The following RYR3 variants were observed in gnomAD, a reference collection of about 807,000 sequenced individuals.
RYR3 encodes ryanodine receptor 3, also known as brain ryanodine receptor-calcium release channel.
In RYR3, 207 loss-of-function variants were observed where a neutral mutation model predicts 584.3. That is an observed-to-expected ratio of 0.35 (90% CI 0.32 to 0.40). The LOEUF (loss-of-function observed/expected upper bound fraction) is 0.40, where lower values mean the gene tolerates loss of function less well. Ranked by LOEUF, RYR3 falls within the 10% of genes least tolerant of loss-of-function variation. RYR3 has a pLI of 1.00. For synonymous variants in RYR3, 2,416 were observed against 2,248.5 expected, an observed-to-expected ratio of 1.07 and a Z score of -2.11; for missense variants, 5,616 against 6,089.2, an observed-to-expected ratio of 0.92 and a Z score of 2.59.
intron 47 of RYR3, among the ~76,000 whole-genome samples, chr15:33,729,529 C>T (rs2068766849): frequency 6.6e-6 from 1 of 152,058 alleles, no homozygotes; most frequent in African/African-American, 2.4e-5. Context: ...GTACTGACCA[C>T]CAGGATGGAT....
At chr15:33,363,288 C>T (rs1280948559) in intron 1 of RYR3, among the ~76,000 whole-genome samples, 2 of 152,178 alleles carry the variant, frequency 1.3e-5, no homozygotes, top group African/African-American at 2.4e-5. Context: ...CTCCCTCACT[C>T]CAACTAAAAC....
intron 38 of RYR3, among the ~76,000 whole-genome samples, chr15:33,683,654 G>A (rs2064790473): frequency 1.3e-5 from 2 of 152,348 alleles, no homozygotes; most frequent in African/African-American, 2.4e-5. Flanking sequence ...TGCAGCCCAT[G>A]GAGGGTGAGC....
intron 98 of RYR3, among the ~76,000 whole-genome samples, chr15:33,857,219 G>C (rs1374037344): frequency 1.5e-5 from 2 of 136,178 alleles, no homozygotes; most frequent in Non-Finnish European, 3.1e-5. Flanking sequence ...TTCTGGAGGC[G>C]GTAAGTAAGT....
chr15:33,458,504 T>C (rs1417322800), intron 1 of RYR3, among the ~76,000 whole-genome samples: 3 of 152,320 alleles, frequency 2.0e-5, no homozygotes, highest in East Asian at 1.9e-4. Flanking sequence ...GTTCTCATAA[T>C]CTGTGTGTAT....
At position 33,311,422 on chromosome 15, in the gene RYR3, C is replaced by T. The variant is rs887579515; in HGVS notation, c.51+326C>T. ...CCAAACTTCAGCCGGGGTTTGTTCG[C>T]GGTTGTCCTGACCCATAAGATCGGC... On this transcript the variant is annotated intron_variant, in intron 1 of 103. Transcript: ENST00000634891. This position sits in a 1 kb window ranked among gnomAD's most constrained non-coding sequence, Gnocchi z 4.4. Among the ~76,000 whole-genome samples, 1 of 152,216 alleles carries T rather than the reference C, an allele frequency of 6.6e-6. No homozygotes were observed. The highest frequency in any genetic ancestry group is 1.5e-5 in the Non-Finnish European group (1 of 68,046).
At chr15:33,679,104 T>C (rs2064392004) in intron 38 of RYR3, among the ~76,000 whole-genome samples, 1 of 152,166 alleles carries the variant, frequency 6.6e-6, no homozygotes, top group South Asian at 2.1e-4. Flanking sequence ...ATCAGACTTT[T>C]GGCCTAGAGG....
chr15:33,491,007 T>C (rs2050921575), intron 2 of RYR3, among the ~76,000 whole-genome samples: 1 of 152,170 alleles, frequency 6.6e-6, no homozygotes, highest in African/African-American at 2.4e-5. Flanking sequence ...CATTTTTGTA[T>C]TGGATGGGGC....
At chr15:33,762,285 G>C (rs907352152) in intron 60 of RYR3, among the ~76,000 whole-genome samples, 1 of 152,134 alleles carries the variant, frequency 6.6e-6, no homozygotes, top group Non-Finnish European at 1.5e-5. Flanking sequence ...GAAATAAAGC[G>C]TATTCAAATT....
chr15:33,570,747 G>T (rs2057981402), intron 12 of RYR3, among the ~76,000 whole-genome samples: 1 of 152,008 alleles, frequency 6.6e-6, no homozygotes, highest in Admixed American at 6.6e-5. Flanking sequence ...TTATTTTCAG[G>T]AAGATATTGT....
At chr15:33,505,564 T>C (rs1027395412) in intron 3 of RYR3, among the ~76,000 whole-genome samples, 3 of 152,192 alleles carry the variant, frequency 2.0e-5, no homozygotes, top group African/African-American at 7.2e-5. Flanking sequence ...AGATCTCTGC[T>C]CACTGCAAGC....
At chr15:33,518,504 C>A (rs945137722) in intron 3 of RYR3, among the ~76,000 whole-genome samples, 1 of 150,664 alleles carries the variant, frequency 6.6e-6, no homozygotes, top group African/African-American at 2.4e-5. Context: ...ACTTTTAATA[C>A]GCCTTCTTTC....
At chr15:33,337,676 A>G (rs1971285125) in intron 1 of RYR3, among the ~76,000 whole-genome samples, 1 of 152,176 alleles carries the variant, frequency 6.6e-6, no homozygotes, top group Non-Finnish European at 1.5e-5. Context: ...ATGACTGTCA[A>G]CTGGTACAGT....
At chr15:33,344,911 T>C (rs1972259736) in intron 1 of RYR3, among the ~76,000 whole-genome samples, 1 of 152,216 alleles carries the variant, frequency 6.6e-6, no homozygotes, top group Non-Finnish European at 1.5e-5. Context: ...TCTGATGCTA[T>C]AGCTGATGTT....
intron 95 of RYR3, 31 bp downstream of exon 95, chr15:33,853,118 GATCACCAAAAA>G: frequency 1.9e-6 from 3 of 1,540,434 alleles, no homozygotes; most frequent in Non-Finnish European, 2.6e-6. Flanking sequence ...TGAGTTCCGT[GATCACCAAAAA>G]ATGTGGTGTA....
intron 1 of RYR3, among the ~76,000 whole-genome samples, chr15:33,384,093 C>G (rs1466732919): frequency 6.6e-6 from 1 of 152,162 alleles, no homozygotes; most frequent in East Asian, 1.9e-4. Context: ...CTCTGCCCCC[C>G]TTTGATAGGC....
chr15:33,506,831 T>C (rs533263029), intron 3 of RYR3, among the ~76,000 whole-genome samples: 2 of 152,262 alleles, frequency 1.3e-5, no homozygotes, highest in South Asian at 2.1e-4. Context: ...ACATTTACTA[T>C]TGGTATTTAA....
At position 33,601,482 on chromosome 15, in the gene RYR3, C is replaced by G; in HGVS notation, c.1852C>G (p.Leu618Val). 6.2e-7 allele frequency: 1 copy of G among 1,613,636 alleles called. No individual in the cohort carries two copies. Among genetic ancestry groups the G allele is most frequent in the Non-Finnish European group, 8.5e-7 (1 of 1,179,738 alleles). The change falls in exon 17 of 104, where the codon CTG becomes GTG. Residue 618 changes from leucine (L) to valine (V), a missense_variant. Physicochemically the swap from Leu to Val is conservative, Grantham distance 32. Around this residue, in one of 9 missense-constraint regions of RYR3, gnomAD observed 1,284 missense variants for 1,344.6 expected, o/e 0.95. Transcript: ENST00000634891. The part of the protein sequence containing the change: ...NGVAVRANQN[L>V]ICDNLLPRRN... ...GGTTGCAGTGAGAGCCAACCAGAAT[C>G]TGATCTGTGACAACTTGCTGCCCCG... is the stretch of plus-strand genomic sequence containing the variant.
chr15:33,771,895 A>G, intron 62 of RYR3, 25 bp from the exon 63 acceptor site: 3 of 1,548,644 alleles, frequency 1.9e-6, no homozygotes, highest in Non-Finnish European at 1.8e-6. Flanking sequence ...TTATGCTTCT[A>G]GATTTGAACA....
intron 15 of RYR3, among the ~76,000 whole-genome samples, 193 bp from the exon 16 acceptor site, chr15:33,585,805 G>T (rs1227971650): frequency 2.0e-5 from 3 of 152,206 alleles, no homozygotes; most frequent in African/African-American, 4.8e-5. Context: ...TTACAGACTG[G>T]TTGGCCCCCA....
Sources: gnomAD v4.1 joint callset for allele counts (sites outside exome capture counted in the v4.1 genomes callset) on GRCh38, gnomAD v4.1.1 for gene constraint, gnomAD v4.1.1 regional missense constraint, Gnocchi (gnomAD v3.1) non-coding constraint, MANE v1.5 for transcripts, NCBI Gene and HGNC (gene_info 2026-07-23, HGNC 2026-07-21) for gene names.